Variants in PCYT1B observed in about 807,000 individuals in gnomAD.
PCYT1B encodes phosphate cytidylyltransferase 1B, choline.
Under a neutral mutation model 26.4 loss-of-function variants are expected in PCYT1B, and 10 were observed. The ratio of observed to expected loss-of-function variants is 0.38; its 90% CI spans 0.23 to 0.64. The LOEUF (loss-of-function observed/expected upper bound fraction) is 0.64, where lower values mean the gene tolerates loss of function less well. Among genes scored for constraint, PCYT1B ranks in the 30% least tolerant of loss-of-function variants. PCYT1B has a pLI of 0.56. For synonymous variants in PCYT1B, 131 were observed against 108.4 expected (o/e 1.21, Z -1.29); for missense variants, 161 against 292.7 (o/e 0.55, Z 3.28).
intron 5 of PCYT1B, among the ~76,000 whole-genome samples, chrX:24,583,303 G>A (rs1352448870): frequency 3.6e-5 from 4 of 111,641 alleles, no homozygotes; most frequent in East Asian, 5.6e-4. Context: ...GCAACTGAGT[G>A]CCATGATCAT....
chrX:24,634,907 G>A (rs1320472005), intron 1 of PCYT1B, among the ~76,000 whole-genome samples: 1 of 112,147 alleles, frequency 8.9e-6, no homozygotes, highest in African/African-American at 3.2e-5. Flanking sequence ...TACCAACCAC[G>A]ACAACCCAAT....
chrX:24,619,079 C>T lies in PCYT1B; in HGVS notation c.123G>A (p.Leu41=), dbSNP rs144870692. Residue 41 remains leucine (L), a synonymous_variant, in exon 2 of 8, where the codon CTG becomes CTA. Coordinates refer to ENST00000379144, the MANE Select transcript of PCYT1B (RefSeq NM_004845.5). ...EHTCPQPRLT[L]TAPAPFADET... Reference sequence around the variant, plus strand: ...CATCAGCAAATGGGGCAGGTGCAGTCAGGGTCTAGAAGGGAGAAAAAGAAA... The same window carrying T: ...CATCAGCAAATGGGGCAGGTGCAGTTAGGGTCTAGAAGGGAGAAAAAGAAA... 1.8e-5 allele frequency: 21 copies of T among 1,185,482 alleles called. No homozygotes were observed. The highest frequency in any genetic ancestry group is 2.2e-5 in the Admixed American group (1 of 45,106).
rs59810973 is a variant in PCYT1B at position 24,568,861 on chromosome X, G to A, written c.897+6269C>T. On this transcript the variant is annotated intron_variant, in intron 7 of 7. Transcript: ENST00000379144. Reference sequence around the variant, plus strand: ...TATAACCCCAGCACTATGGGAGGCCGAGGTGGGTGGATCACTTGAGGTCAG... The same window carrying A: ...TATAACCCCAGCACTATGGGAGGCCAAGGTGGGTGGATCACTTGAGGTCAG... Among the ~76,000 whole-genome samples the A allele has an allele frequency of 1.8e-3, 197 of 111,813 alleles. 5 individuals carry two copies. The East Asian group carries it at 0.038, about 21-fold the overall frequency.
intron 4 of PCYT1B, among the ~76,000 whole-genome samples, chrX:24,587,994 A>ATCTTG (rs1216334928): frequency 5.3e-5 from 6 of 112,704 alleles, no homozygotes; most frequent in South Asian, 7.3e-4. Context: ...ACTTTAAATC[A>ATCTTG]TCTTGTCCTG....
intron 3 of PCYT1B, among the ~76,000 whole-genome samples, chrX:24,599,266 A>G (rs1045669226): frequency 8.9e-6 from 1 of 111,939 alleles, no homozygotes; most frequent in Admixed American, 9.6e-5. Context: ...GTCACTTGAT[A>G]GACCATTAAA....
At chrX:24,670,092 GAAAGAAAGAAAGAAAGA>G (rs1569261835) in intron 1 of PCYT1B, among the ~76,000 whole-genome samples, 64 of 90,261 alleles carry the variant, frequency 7.1e-4, no homozygotes, top group African/African-American at 1.8e-3. Flanking sequence ...AAGAAAGAAA[GAAAGAAAGAAAGAAAGA>G]AAGAAAGGAA....
intron 1 of PCYT1B, among the ~76,000 whole-genome samples, chrX:24,631,041 G>A (rs1325711485): frequency 9.0e-6 from 1 of 111,459 alleles, no homozygotes; most frequent in African/African-American, 3.3e-5. Context: ...TCCTGCCTCA[G>A]CCTCCTGAGT....
intron 1 of PCYT1B, among the ~76,000 whole-genome samples, chrX:24,642,223 C>T (rs184373716): frequency 8.9e-6 from 1 of 112,314 alleles, no homozygotes; most frequent in East Asian, 2.8e-4. Flanking sequence ...CTCTCCACAG[C>T]ACCTGGTGCA....
intron 3 of PCYT1B, 102 bp from the exon 4 acceptor site, chrX:24,590,276 G>T: frequency 3.0e-6 from 2 of 656,647 alleles, no homozygotes; most frequent in Non-Finnish European, 4.5e-6. Context: ...AAGAAGCACA[G>T]CCTCGCTAGG....
intron 1 of PCYT1B, among the ~76,000 whole-genome samples, chrX:24,658,506 C>CTTTTT (rs1203809740): frequency 6.3e-4 from 37 of 58,810 alleles, no homozygotes; most frequent in Non-Finnish European, 7.6e-4. Flanking sequence ...TGTTTCATTG[C>CTTTTT]TTTTTTTTTT....
chrX:24,604,617 A>C (rs182026748), intron 3 of PCYT1B, among the ~76,000 whole-genome samples: 1 of 111,207 alleles, frequency 9.0e-6, no homozygotes, highest in Non-Finnish European at 1.9e-5. Context: ...ATGCAGAGGT[A>C]CGATCATAGC....
At chrX:24,617,384 T>TG (rs1159275961) in intron 2 of PCYT1B, among the ~76,000 whole-genome samples, 5 of 94,439 alleles carry the variant, frequency 5.3e-5, no homozygotes, top group East Asian at 2.9e-4. Context: ...TTTTTTTTTG[T>TG]TTGTTTTCTG....
At chrX:24,665,940 C>T (rs1052004379) in intron 1 of PCYT1B, among the ~76,000 whole-genome samples, 15 of 110,772 alleles carry the variant, frequency 1.4e-4, no homozygotes, top group Non-Finnish European at 2.8e-4. Context: ...TCTGTGGTAT[C>T]TCTAGGTGGG....
intron 5 of PCYT1B, among the ~76,000 whole-genome samples, chrX:24,582,183 C>A (rs918279149): frequency 8.9e-6 from 1 of 112,515 alleles, no homozygotes; most frequent in Non-Finnish European, 1.9e-5. Context: ...GAAATCCATC[C>A]CATCTTTCAG....
At chrX:24,631,244 T>G (rs1240222247) in intron 1 of PCYT1B, among the ~76,000 whole-genome samples, 2 of 111,682 alleles carry the variant, frequency 1.8e-5, no homozygotes, top group African/African-American at 6.5e-5. Flanking sequence ...TTTTTTATGT[T>G]TGTCTCCATA....
rs1246686915 is a variant in PCYT1B, at chrX:24,561,236, T to TG, written c.*1056dup. The TG allele has an allele frequency of 9.0e-6, 1 of 111,703 alleles. No homozygotes were observed. The highest frequency in any genetic ancestry group is 1.9e-5 in the Non-Finnish European group (1 of 53,102). 9.2% of individuals were successfully genotyped at this position (111,703 alleles called of 1,213,427 possible). On this transcript the variant is annotated 3_prime_UTR_variant, in exon 8 of 8. Coordinates refer to ENST00000379144, the MANE Select transcript of PCYT1B (RefSeq NM_004845.5). ...GGAGTATTATGGTGGAGCGCAGGAGTGGGGTCTATTATAAAATGCCACCAC... is the reference window on the plus strand; with the variant it reads ...GGAGTATTATGGTGGAGCGCAGGAGTGGGGGTCTATTATAAAATGCCACCAC...
At chrX:24,572,849 C>A (rs1923875504) in intron 7 of PCYT1B, among the ~76,000 whole-genome samples, 1 of 107,761 alleles carries the variant, frequency 9.3e-6, no homozygotes, top group Non-Finnish European at 1.9e-5. Flanking sequence ...CTCCCAAGAA[C>A]AATTCCAGCT....
intron 1 of PCYT1B, among the ~76,000 whole-genome samples, chrX:24,622,183 G>T (rs1194737099): frequency 8.9e-6 from 1 of 112,037 alleles, no homozygotes; most frequent in Non-Finnish European, 1.9e-5. Flanking sequence ...ATGAGCCACA[G>T]CCTTGCTGTC....
intron 1 of PCYT1B, among the ~76,000 whole-genome samples, chrX:24,661,657 A>G (rs1927032285): frequency 8.9e-6 from 1 of 112,095 alleles, no homozygotes; most frequent in Admixed American, 9.5e-5. Flanking sequence ...AAAACTCTAT[A>G]GAACAAACCT....
Sources: gnomAD v4.1 joint callset for allele counts (sites outside exome capture counted in the v4.1 genomes callset) on GRCh38, gnomAD v4.1.1 for gene constraint, MANE v1.5 for transcripts, NCBI Gene and HGNC (gene_info 2026-07-23, HGNC 2026-07-21) for gene names.